Variants in ANO7 observed in about 807,000 individuals in gnomAD.
ANO7 encodes anoctamin 7.
ANO7 carries 114 observed loss-of-function variants against 115.8 expected under a neutral mutation model. That is an observed-to-expected ratio of 0.98 (90% CI 0.85 to 1.15). ANO7 has a LOEUF of 1.15. ANO7 is among the 50% of genes most tolerant of loss of function. The pLI, the probability that ANO7 is intolerant of heterozygous loss-of-function variation, is 0.00. For synonymous variants in ANO7, 550 were observed against 498.2 expected (o/e 1.10, Z -1.38); for missense variants, 1,302 against 1,201.2 (o/e 1.08, Z -1.24).
At chr2:241,220,351 ATAT>A (rs770930800) in intron 21 of ANO7, among the ~76,000 whole-genome samples, 1 of 152,104 alleles carries the variant, frequency 6.6e-6, no homozygotes, top group African/African-American at 2.4e-5. Flanking sequence ...TTCTTTGGAA[ATAT>A]TATTCTTTTG....
intron 18 of ANO7, among the ~76,000 whole-genome samples, chr2:241,215,277 G>A (rs1229011299): frequency 6.6e-6 from 1 of 152,226 alleles, no homozygotes; most frequent in Non-Finnish European, 1.5e-5. Flanking sequence ...AGCACAAGAG[G>A]GAGGAGGAAA....
intron 17 of ANO7, chr2:241,212,854 C>T (rs1024440328): frequency 1.7e-5 from 9 of 528,390 alleles, no homozygotes; most frequent in South Asian, 1.2e-4. Flanking sequence ...CACTCCAGGC[C>T]GGGCACAGTG....
the ANO7 span, among the ~76,000 whole-genome samples, chr2:241,232,971 A>C: frequency 2.0e-5 from 3 of 150,424 alleles, no homozygotes; most frequent in Admixed American, 6.6e-5. Context: ...AGGGAACAAG[A>C]AGCTGGGGAG....
Position 241,212,730 on chromosome 2 carries a change from G to C in ANO7, c.1728+104G>C, listed in dbSNP as rs1314043499. 2.3e-6 allele frequency: 3 copies of C among 1,314,076 alleles called. No individual in the cohort carries two copies. The African/African-American group carries it at 4.4e-5, about 19-fold the overall frequency. 81.4% of individuals were successfully genotyped at this position (1,314,076 alleles called of 1,614,324 possible). A position where few individuals can be genotyped will look rare whatever the true frequency, so the allele number is the denominator to read the frequency against. Reference sequence around the variant, plus strand: ...TTTGCAGCAATTCCTCCCACCACCGGCTATTTCCATCGCCCAGCCAGGGCC... The same window carrying C: ...TTTGCAGCAATTCCTCCCACCACCGCCTATTTCCATCGCCCAGCCAGGGCC... On this transcript the variant is annotated intron_variant, in intron 17 of 24. Coordinates refer to ENST00000674324, the MANE Select transcript of ANO7 (RefSeq NM_001370694.2).
Position 241,222,393 on chromosome 2 carries a change from G to A in ANO7, c.2322-793G>A, listed in dbSNP as rs953035169. Among the ~76,000 whole-genome samples the A allele has an allele frequency of 5.3e-5, 8 of 151,762 alleles. 1 individual carries two copies. The highest frequency in any genetic ancestry group is 1.3e-4 in the Admixed American group (2 of 15,226). ...AGTGCTTCTCTGCTTGTCCATTGTC[G>A]TCTGGAACTCCCACTGGGCTGTGGC... On this transcript the variant is annotated intron_variant, in intron 21 of 24. Coordinates refer to ENST00000674324, the MANE Select transcript of ANO7 (RefSeq NM_001370694.2).
chr2:241,204,872 C>A lies in ANO7; in HGVS notation c.897C>A (p.Tyr299Ter). 1.2e-6 allele frequency: 2 copies of A among 1,613,724 alleles called. No individual in the cohort carries two copies. The highest frequency in any genetic ancestry group is 2.2e-5 in the South Asian group (2 of 91,060). Reference sequence around the variant, plus strand: ...CTGCCATCCTCTCTACAGGGTTTTACACAGGCTGGCTCCTGCCAGCGGCAG... The same window carrying A: ...CTGCCATCCTCTCTACAGGGTTTTAAACAGGCTGGCTCCTGCCAGCGGCAG... Reference protein sequence around the residue: ...VALYFAWLGFYTGWLLPAAVV... With the variant: ...VALYFAWLGF Residue 299 changes from tyrosine (Y) to a stop codon, truncating the protein, a stop_gained, in exon 10 of 25, where the codon TAC becomes TAA. Coordinates refer to ENST00000674324, the MANE Select transcript of ANO7 (RefSeq NM_001370694.2). LOFTEE classifies it high-confidence loss of function.
At position 241,224,420 on chromosome 2, in the gene ANO7, C is replaced by A. The variant is rs1034739550; in HGVS notation, c.*267C>A. On this transcript the variant is annotated 3_prime_UTR_variant, in exon 25 of 25. Transcript: ENST00000674324. ...GACATAAGCCCAAGGGGCCCCTGCACCCAAGGGACCCTGTCCCTCGGTGGC... is the reference window on the plus strand; with the variant it reads ...GACATAAGCCCAAGGGGCCCCTGCAACCAAGGGACCCTGTCCCTCGGTGGC... 4.0e-6 allele frequency: 2 copies of A among 505,458 alleles called. No homozygotes were observed. Among genetic ancestry groups the A allele is most frequent in the Non-Finnish European group, 3.6e-6 (1 of 278,426 alleles). 31.3% of individuals were successfully genotyped at this position (505,458 alleles called of 1,614,324 possible).
intron 17 of ANO7, 70 bp downstream of exon 17, chr2:241,212,696 G>A (rs2068743290): frequency 1.3e-6 from 2 of 1,502,700 alleles, no homozygotes; most frequent in Non-Finnish European, 1.8e-6. Flanking sequence ...TCTTCCATTC[G>A]AGCTTTGATT....
chr2:241,194,074 C>T (rs2068263765), intron 3 of ANO7, among the ~76,000 whole-genome samples: 1 of 151,940 alleles, frequency 6.6e-6, no homozygotes, highest in African/African-American at 2.4e-5. Context: ...AGGGTTTCGC[C>T]ATGTTGGCCA....
At chr2:241,230,065 C>A, downstream of ANO7, 2 of 1,578,274 alleles carry the variant, frequency 1.3e-6, no homozygotes, top group Non-Finnish European at 8.7e-7. This position sits in a 1 kb window ranked among gnomAD's most constrained non-coding sequence, Gnocchi z 5.0. Context: ...AACACAAGTG[C>A]CACCTTGTCC....
intron 15 of ANO7, among the ~76,000 whole-genome samples, chr2:241,211,075 G>T (rs1346706406): frequency 2.0e-5 from 3 of 152,204 alleles, no homozygotes; most frequent in African/African-American, 7.2e-5. Flanking sequence ...GATTGGAGTT[G>T]TCTGAGCCTC....
Position 241,217,671 on chromosome 2 carries a change from A to AC in ANO7, c.1973-10dup, listed in dbSNP as rs767383786. 2.4e-5 allele frequency: 37 copies of AC among 1,567,490 alleles called. 1 individual carries two copies. The South Asian group carries it at 4.0e-4, about 17-fold the overall frequency. Reference sequence around the variant, plus strand: ...GACGGTGGCGGAGAGCCCGGCCGTGACCCCCTCCCCGCAGTGCTGCAGTTC... The same window carrying AC: ...GACGGTGGCGGAGAGCCCGGCCGTGACCCCCCTCCCCGCAGTGCTGCAGTTC... On this transcript the variant is annotated splice_polypyrimidine_tract_variant and intron_variant, in intron 19 of 24. Transcript: ENST00000674324.
chr2:241,197,556 T>C (rs2068374157), intron 4 of ANO7, among the ~76,000 whole-genome samples: 1 of 151,238 alleles, frequency 6.6e-6, no homozygotes, highest in South Asian at 2.1e-4. Context: ...CCGGCTAATT[T>C]TTTGTAGAGA....
At chr2:241,195,562 G>C in intron 3 of ANO7, 141 bp from the exon 4 acceptor site, 1 of 764,144 alleles carries the variant, frequency 1.3e-6, no homozygotes, top group East Asian at 2.7e-5. Context: ...TGGGACCAGA[G>C]AGGGGATCGG....
intron 19 of ANO7, 92 bp from the exon 20 acceptor site, chr2:241,217,594 C>T (rs2068862645): frequency 1.4e-6 from 2 of 1,402,376 alleles, no homozygotes; most frequent in Non-Finnish European, 1.9e-6. Flanking sequence ...GTGGCGGCAC[C>T]ACGTGGACTG....
the ANO7 span, chr2:241,240,195 T>C: frequency 6.9e-7 from 1 of 1,440,414 alleles, no homozygotes; most frequent in Non-Finnish European, 9.8e-7. This position sits in a 1 kb window ranked among gnomAD's most constrained non-coding sequence, Gnocchi z 5.5. Flanking sequence ...CAAGAGGGTC[T>C]GTAGGACAGC....
At chr2:241,240,004 A>T in the ANO7 span, 1 of 1,614,164 alleles carries the variant, frequency 6.2e-7, no homozygotes, top group Non-Finnish European at 8.5e-7. This position sits in a 1 kb window ranked among gnomAD's most constrained non-coding sequence, Gnocchi z 5.5. Flanking sequence ...AGCCGCAGGG[A>T]AGATGACACG....
chr2:241,228,098 T>TATTC (rs2069301118), downstream of ANO7: 1 of 152,256 alleles, frequency 6.6e-6, no homozygotes, highest in African/African-American at 2.4e-5. Flanking sequence ...AAGCTTGAGT[T>TATTC]ATTCAACTGA....
chr2:241,220,902 C>T (rs1228338433), intron 21 of ANO7, among the ~76,000 whole-genome samples: 2 of 150,462 alleles, frequency 1.3e-5, no homozygotes, highest in Non-Finnish European at 3.0e-5. Flanking sequence ...ACTCGGGAGG[C>T]GGAGGTTGCA....
Sources: gnomAD v4.1 joint callset for allele counts (sites outside exome capture counted in the v4.1 genomes callset) on GRCh38, gnomAD v4.1.1 for gene constraint, Gnocchi (gnomAD v3.1) non-coding constraint, MANE v1.5 for transcripts, NCBI Gene and HGNC (gene_info 2026-07-23, HGNC 2026-07-21) for gene names.